MAPT: variants seen among roughly 807,000 people sequenced by gnomAD.
MAPT encodes the protein microtubule-associated protein tau.
In MAPT, 34 loss-of-function variants were observed where a neutral mutation model predicts 67.9. The ratio of observed to expected loss-of-function variants is 0.50; its 90% CI spans 0.38 to 0.67. The LOEUF (loss-of-function observed/expected upper bound fraction) is 0.67, where lower values mean the gene tolerates loss of function less well. MAPT is among the 30% of genes least tolerant of loss of function. The pLI is 0.00. For synonymous variants in MAPT, 456 were observed against 464.5 expected, an observed-to-expected ratio of 0.98 and a Z score of 0.23; for missense variants, 881 against 1,115.2, an observed-to-expected ratio of 0.79 and a Z score of 2.99.
intron 1 of MAPT, among the ~76,000 whole-genome samples, chr17:45,955,479 C>T (rs2069534514): frequency 6.6e-6 from 1 of 152,206 alleles, no homozygotes; most frequent in Non-Finnish European, 1.5e-5. Flanking sequence ...TGTGGTGCTG[C>T]CTGTGGACAA....
At chr17:45,939,539 A>AT (rs773715873) in intron 1 of MAPT, among the ~76,000 whole-genome samples, 2 of 152,158 alleles carry the variant, frequency 1.3e-5, no homozygotes, top group African/African-American at 2.4e-5. Context: ...ATAAATCCAT[A>AT]TTTCATGGCT....
At chr17:46,009,602 C>A (rs1305592978) in intron 9 of MAPT, among the ~76,000 whole-genome samples, 1 of 152,170 alleles carries the variant, frequency 6.6e-6, no homozygotes, top group Non-Finnish European at 1.5e-5. Flanking sequence ...AAGGCACAGC[C>A]CCCCCTTGCA....
At chr17:45,926,401 C>T (rs530022262) in intron 1 of MAPT, among the ~76,000 whole-genome samples, 40 of 152,122 alleles carry the variant, frequency 2.6e-4, no homozygotes, top group African/African-American at 7.7e-4. Flanking sequence ...CTTGACCTCC[C>T]GGGCTCAAGT....
intron 1 of MAPT, among the ~76,000 whole-genome samples, chr17:45,911,661 G>A (rs972647504): frequency 3.3e-5 from 5 of 150,504 alleles, no homozygotes; most frequent in Admixed American, 2.6e-4. Context: ...CTACTCAGGA[G>A]GCTGAGGCAG....
intron 12 of MAPT, among the ~76,000 whole-genome samples, chr17:46,018,983 T>A (rs2076355071): frequency 6.6e-6 from 1 of 152,216 alleles, no homozygotes; most frequent in Non-Finnish European, 1.5e-5. Flanking sequence ...GCTCGGTTGC[T>A]GGAGTTTTTG....
chr17:45,919,786 A>G (rs1158202226), intron 1 of MAPT, among the ~76,000 whole-genome samples: 2 of 152,186 alleles, frequency 1.3e-5, no homozygotes, highest in African/African-American at 4.8e-5. Context: ...GGTGGCATGC[A>G]CCTGCAGTCC....
chr17:45,948,312 G>A (rs968309450), intron 1 of MAPT, among the ~76,000 whole-genome samples: 3 of 152,010 alleles, frequency 2.0e-5, no homozygotes, highest in African/African-American at 7.3e-5. Flanking sequence ...GCCCTCCTGG[G>A]CTCTTTTCCT....
rs2076847536 is a variant in MAPT, at chr17:46,027,287, G to A, written c.*3116G>A. 6.5e-6 allele frequency: 1 copy of A among 152,766 alleles called. No individual in the cohort carries two copies. Among genetic ancestry groups the A allele is most frequent in the Non-Finnish European group, 1.5e-5 (1 of 68,146 alleles). The allele number at this position is 152,766 out of a possible 1,614,324, so 9.5% of individuals were successfully genotyped here. ...GGCCAGCCTAAGATCATGGTTTAGG[G>A]TGATCAGTGCTGGCAGATAAATTGA... On this transcript the variant is annotated 3_prime_UTR_variant, in exon 13 of 13. Transcript: ENST00000262410.
chr17:46,017,105 G>T (rs17652502), intron 11 of MAPT, among the ~76,000 whole-genome samples: 2 of 152,126 alleles, frequency 1.3e-5, no homozygotes, highest in Non-Finnish European at 2.9e-5. Flanking sequence ...CACTTTGTGG[G>T]ATTTAGTCTC....
Position 45,915,312 on chromosome 17 carries a change from GTC to G in MAPT, c.-18+20628_-18+20629del, listed in dbSNP as rs1404433904. Among the ~76,000 whole-genome samples the G allele has an allele frequency of 2.6e-5, 4 of 151,146 alleles. No homozygotes were observed. The highest frequency in any genetic ancestry group is 7.3e-5 in the African/African-American group (3 of 40,950). ...GTGTGTGCTGTGTGAGCGTGTGTGA[GTC>G]TGTGTGTGTAGTGTGTGTGTGAAGT... On this transcript the variant is annotated intron_variant, in intron 1 of 12. Transcript: ENST00000262410. The surrounding 1 kb of genome is among the most constrained non-coding windows in gnomAD (Gnocchi z 4.4).
intron 1 of MAPT, among the ~76,000 whole-genome samples, chr17:45,904,033 T>TATATTATAG (rs1187520312): frequency 9.2e-4 from 41 of 44,708 alleles, no homozygotes; most frequent in Non-Finnish European, 1.5e-3. Context: ...TATATTTATA[T>TATATTATAG]ATTATATATT....
intron 1 of MAPT, among the ~76,000 whole-genome samples, chr17:45,904,160 TTA>T (rs1307724684): frequency 2.0e-4 from 5 of 25,110 alleles, no homozygotes; most frequent in African/African-American, 2.4e-4. Context: ...ATGTTATATA[TTA>T]TATATATTTA....
At chr17:45,959,147 T>C (rs2070096957) in intron 1 of MAPT, among the ~76,000 whole-genome samples, 1 of 152,196 alleles carries the variant, frequency 6.6e-6, no homozygotes, top group African/African-American at 2.4e-5. Context: ...AGAGCACTTT[T>C]AGGTTCACAG....
At chr17:45,970,083 CCCAT>C (rs137876410) in intron 2 of MAPT, among the ~76,000 whole-genome samples, 21,514 of 145,006 alleles carry the variant, frequency 0.15, 2,060 homozygotes, top group Middle Eastern at 0.24. Context: ...CATCTATCCA[CCCAT>C]CCATCCATCC....
At chr17:45,907,095 G>T (rs1007403487) in intron 1 of MAPT, among the ~76,000 whole-genome samples, 2 of 152,040 alleles carry the variant, frequency 1.3e-5, no homozygotes, top group African/African-American at 2.4e-5. Context: ...CATGGGCATC[G>T]CCTGCTAAGC....
At chr17:45,936,308 T>C (rs1022635950) in intron 1 of MAPT, among the ~76,000 whole-genome samples, 2 of 152,058 alleles carry the variant, frequency 1.3e-5, no homozygotes, top group African/African-American at 4.8e-5. Context: ...TCAGCCAGAG[T>C]TGAGAAAATG....
In MAPT at chr17:45,971,844, CTGTA is replaced by C; in HGVS notation, c.134-11_134-8del. 1 of 1,593,868 alleles carries C rather than the reference CTGTA, an allele frequency of 6.3e-7. No homozygotes were observed. Among genetic ancestry groups the C allele is most frequent in the Non-Finnish European group, 8.6e-7 (1 of 1,161,636 alleles). ...GAGAGGCCACCGTTCTGAGGGCTCA[CTGTA>C]TGTGTTCCAGAATCTCCCCTGCAGA... is the stretch of plus-strand genomic sequence containing the variant. On this transcript the variant is annotated splice_polypyrimidine_tract_variant and intron_variant, in intron 2 of 12. Transcript: ENST00000262410. This position sits in a 1 kb window ranked among gnomAD's most constrained non-coding sequence, Gnocchi z 4.3.
chr17:45,986,685 G>A (rs1327362863), intron 5 of MAPT, among the ~76,000 whole-genome samples: 1 of 152,216 alleles, frequency 6.6e-6, no homozygotes, highest in Non-Finnish European at 1.5e-5. Flanking sequence ...GCTGACCCTG[G>A]CAGAAACAGG....
At chr17:46,007,744 T>C (rs1388337943) in intron 9 of MAPT, among the ~76,000 whole-genome samples, 2 of 152,188 alleles carry the variant, frequency 1.3e-5, no homozygotes, top group Admixed American at 6.5e-5. Context: ...GGAAAACTCA[T>C]GCAACCCTTT....
Sources: allele counts gnomAD v4.1 joint callset (sites outside exome capture counted in the v4.1 genomes callset), GRCh38; gene constraint gnomAD v4.1.1; non-coding constraint Gnocchi (gnomAD v3.1); transcripts MANE v1.5; gene names NCBI Gene and HGNC (gene_info 2026-07-23, HGNC 2026-07-21).